PTPN11: variants seen among roughly 807,000 people sequenced by gnomAD.
PTPN11 encodes the protein protein tyrosine phosphatase non-receptor type 11, also known as tyrosine-protein phosphatase non-receptor type 11.
A neutral mutation model predicts 78.8 loss-of-function variants in PTPN11; 6 were observed. The ratio of observed to expected loss-of-function variants is 0.08; its 90% CI spans 0.04 to 0.15. PTPN11 has a LOEUF of 0.15. Among genes scored for constraint, PTPN11 ranks in the 10% least tolerant of loss-of-function variants. The probability of loss-of-function intolerance (pLI) is 1.00; values close to 1 mark genes in which losing one functional copy is unlikely to be tolerated. For missense variants in PTPN11, 386 were observed against 744.8 expected (o/e 0.52, Z 5.61); for synonymous variants, 221 against 263.5 (o/e 0.84, Z 1.56).
chr12:112,482,356 G>C lies in PTPN11; in HGVS notation c.1224+151G>C, dbSNP rs2038609775. Reference sequence around the variant, plus strand: ...TTATTAGCTTCCTTCTATGTGCCAGGTACAGTTTAAGCAGTACTGGTACAT... The same window carrying C: ...TTATTAGCTTCCTTCTATGTGCCAGCTACAGTTTAAGCAGTACTGGTACAT... On this transcript the variant is annotated intron_variant, in intron 10 of 15. Transcript: ENST00000351677. The surrounding 1 kb of genome is among the most constrained non-coding windows in gnomAD (Gnocchi z 4.4). The C allele has an allele frequency of 4.3e-6, 4 of 928,904 alleles. No individual in the cohort carries two copies. The highest frequency in any genetic ancestry group is 6.8e-6 in the Non-Finnish European group (4 of 592,068). 57.5% of individuals were successfully genotyped at this position (928,904 alleles called of 1,614,324 possible).
At chr12:112,496,579 G>C (rs780869577) in intron 13 of PTPN11, among the ~76,000 whole-genome samples, 8 of 152,044 alleles carry the variant, frequency 5.3e-5, no homozygotes, top group Non-Finnish European at 7.4e-5. Context: ...AATTCATACT[G>C]ATGTCTCAGA....
chr12:112,427,060 C>A (rs927894280), intron 1 of PTPN11, among the ~76,000 whole-genome samples: 2 of 151,692 alleles, frequency 1.3e-5, no homozygotes, highest in Non-Finnish European at 2.9e-5. Flanking sequence ...GCCTGGGTAA[C>A]GTGGGTGAAA....
At chr12:112,481,473 A>C (rs1335991875) in intron 9 of PTPN11, among the ~76,000 whole-genome samples, 1 of 151,640 alleles carries the variant, frequency 6.6e-6, no homozygotes, top group Non-Finnish European at 1.5e-5. Context: ...GGTCTTCCAA[A>C]CACCTGCTTT....
Position 112,419,007 on chromosome 12 carries a change from C to A in PTPN11, c.-105C>A. On this transcript the variant is annotated 5_prime_UTR_variant, in exon 1 of 16. Coordinates refer to ENST00000351677, the MANE Select transcript of PTPN11 (RefSeq NM_002834.5). The stretch of plus-strand genomic sequence containing the variant: ...TGCGCGGCCGGCTGGCTCTGCCCCG[C>A]GTCCGGTCCCGAGCGGGCCTCCCTC... 7.0e-7 allele frequency: 1 copy of A among 1,434,852 alleles called. No individual in the cohort carries two copies. Among genetic ancestry groups the A allele is most frequent in the Non-Finnish European group, 9.4e-7 (1 of 1,060,102 alleles). The allele number at this position is 1,434,852 out of a possible 1,614,324, so 88.9% of individuals were successfully genotyped here. A position where few individuals can be genotyped will look rare whatever the true frequency, so the allele number is the denominator to read the frequency against.
intron 6 of PTPN11, among the ~76,000 whole-genome samples, chr12:112,460,703 G>A (rs1305935056): frequency 6.6e-6 from 1 of 152,110 alleles, no homozygotes; most frequent in Non-Finnish European, 1.5e-5. Flanking sequence ...TTAGCTGGGC[G>A]TGGTAGTGCG....
intron 1 of PTPN11, among the ~76,000 whole-genome samples, chr12:112,439,147 C>G (rs2037841739): frequency 6.6e-6 from 1 of 152,160 alleles, no homozygotes; most frequent in Admixed American, 6.6e-5. Flanking sequence ...CCCAGGGTCA[C>G]AGAGAGCTGG....
At chr12:112,442,025 C>T (rs980447830) in intron 1 of PTPN11, among the ~76,000 whole-genome samples, 2 of 152,132 alleles carry the variant, frequency 1.3e-5, no homozygotes, top group Non-Finnish European at 2.9e-5. Context: ...GATCCGCCCG[C>T]CTCGGCCTCC....
intron 13 of PTPN11, among the ~76,000 whole-genome samples, chr12:112,489,472 A>G (rs1490156324): frequency 6.6e-6 from 1 of 152,202 alleles, no homozygotes; most frequent in Non-Finnish European, 1.5e-5. Context: ...GGCAAGCGTA[A>G]AACTCAAAGC....
At chr12:112,429,403 A>C (rs2037674734) in intron 1 of PTPN11, among the ~76,000 whole-genome samples, 1 of 150,990 alleles carries the variant, frequency 6.6e-6, no homozygotes, top group South Asian at 2.1e-4. Flanking sequence ...AGAGAAGACC[A>C]CCTACCTTAT....
chr12:112,468,315 TCTC>T (rs902725073), intron 6 of PTPN11, among the ~76,000 whole-genome samples: 1 of 152,100 alleles, frequency 6.6e-6, no homozygotes, highest in Non-Finnish European at 1.5e-5. Context: ...AGGAATGTAT[TCTC>T]CTCGAGGGCA....
intron 1 of PTPN11, among the ~76,000 whole-genome samples, chr12:112,425,092 G>C (rs547548419): frequency 2.0e-5 from 3 of 151,402 alleles, no homozygotes; most frequent in Non-Finnish European, 4.4e-5. Context: ...GAGCTCAGGT[G>C]ATCCACCCGC....
At chr12:112,422,368 T>A (rs950960742) in intron 1 of PTPN11, among the ~76,000 whole-genome samples, 2 of 152,188 alleles carry the variant, frequency 1.3e-5, no homozygotes, top group Admixed American at 1.3e-4. Flanking sequence ...CATGTAGCAG[T>A]GATAGTACTG....
At chr12:112,422,907 A>G (rs934543473) in intron 1 of PTPN11, among the ~76,000 whole-genome samples, 2 of 152,226 alleles carry the variant, frequency 1.3e-5, no homozygotes, top group Non-Finnish European at 2.9e-5. Flanking sequence ...TTTGTTAGGC[A>G]GCCACAGAAC....
In PTPN11 at chr12:112,489,054, C is replaced by T. The variant is rs2038714218; in HGVS notation, c.1478C>T (p.Thr493Ile). 1 of 1,613,998 alleles carries T rather than the reference C, an allele frequency of 6.2e-7. No homozygotes were observed. The highest frequency in any genetic ancestry group is 8.5e-7 in the Non-Finnish European group (1 of 1,180,044). Residue 493 changes from threonine to isoleucine, a missense_variant, in exon 13 of 16, where the codon ACC (threonine) becomes ATC (isoleucine). Physicochemically the swap from Thr to Ile is moderately conservative, Grantham distance 89. Around this residue, in one of 3 missense-constraint regions of PTPN11, gnomAD observed 63 missense variants for 182.2 expected, o/e 0.35. Coordinates refer to ENST00000351677, the MANE Select transcript of PTPN11 (RefSeq NM_002834.5). The part of the protein sequence containing the change: ...GVDCDIDVPK[T>I]IQMVRSQRSG... The stretch of plus-strand genomic sequence containing the variant: ...GACTGCGATATTGACGTTCCCAAAA[C>T]CATCCAGATGGTGCGGTCTCAGAGG...
intron 14 of PTPN11, among the ~76,000 whole-genome samples, chr12:112,503,790 C>T (rs2038904513): frequency 6.6e-6 from 1 of 152,134 alleles, no homozygotes; most frequent in African/African-American, 2.4e-5. Context: ...GGTTCAGATC[C>T]AGGATACACT....
intron 1 of PTPN11, among the ~76,000 whole-genome samples, chr12:112,442,875 T>TATATATAA (rs2037927324): frequency 8.0e-5 from 6 of 74,894 alleles, no homozygotes; most frequent in South Asian, 4.3e-4. Context: ...TATATATATA[T>TATATATAA]ATAAATTATA....
intron 1 of PTPN11, among the ~76,000 whole-genome samples, chr12:112,428,394 GT>G (rs2037656530): frequency 9.4e-6 from 1 of 106,650 alleles, no homozygotes; most frequent in African/African-American, 3.5e-5. Context: ...GCTGTGTGTT[GT>G]CTTTTTTTTT....
intron 7 of PTPN11, among the ~76,000 whole-genome samples, chr12:112,473,938 C>T (rs1426598670): frequency 6.6e-6 from 1 of 152,132 alleles, no homozygotes; most frequent in Non-Finnish European, 1.5e-5. Flanking sequence ...CTCTGTTGCT[C>T]AGGGTGCAGT....
At chr12:112,464,225 T>C (rs2038291775) in intron 6 of PTPN11, among the ~76,000 whole-genome samples, 1 of 152,248 alleles carries the variant, frequency 6.6e-6, no homozygotes. Flanking sequence ...CAGGTATCAC[T>C]ATCCAGAAGA....
Sources: gnomAD v4.1 joint callset for allele counts (sites outside exome capture counted in the v4.1 genomes callset) on GRCh38, gnomAD v4.1.1 for gene constraint, gnomAD v4.1.1 regional missense constraint, Gnocchi (gnomAD v3.1) non-coding constraint, MANE v1.5 for transcripts, NCBI Gene and HGNC (gene_info 2026-07-23, HGNC 2026-07-21) for gene names.